Variants in TANC2 observed in about 807,000 individuals in gnomAD.
The protein encoded by TANC2 is protein TANC2.
In TANC2, 26 loss-of-function variants were observed where a neutral mutation model predicts 210.5. The ratio of observed to expected loss-of-function variants is 0.12; its 90% confidence interval spans 0.09 to 0.17. The LOEUF (loss-of-function observed/expected upper bound fraction) is 0.17. Ranked by LOEUF, TANC2 falls within the 10% of genes least tolerant of loss-of-function variation. The pLI is 1.00. For missense variants in TANC2, 2,129 were observed against 2,608.9 expected, an observed-to-expected ratio of 0.82 and a Z score of 4.01; for synonymous variants, 931 against 967.1, an observed-to-expected ratio of 0.96 and a Z score of 0.69.
intron 7 of TANC2, among the ~76,000 whole-genome samples, chr17:63,219,984 A>G (rs1178777596): frequency 1.3e-5 from 2 of 152,154 alleles, no homozygotes; most frequent in Non-Finnish European, 2.9e-5. Flanking sequence ...AAAGGTGGAC[A>G]ATGGAACCAC....
At chr17:63,309,366 T>C (rs1355639041) in intron 9 of TANC2, among the ~76,000 whole-genome samples, 1 of 152,226 alleles carries the variant, frequency 6.6e-6, no homozygotes, top group East Asian at 1.9e-4. Flanking sequence ...TGGTTTTGAA[T>C]ATGATTACAT....
At chr17:63,146,177 G>A (rs1384528229) in intron 4 of TANC2, among the ~76,000 whole-genome samples, 1 of 151,836 alleles carries the variant, frequency 6.6e-6, no homozygotes, top group African/African-American at 2.4e-5. Context: ...ATTTTAAATT[G>A]AACTGTCTCC....
intron 9 of TANC2, among the ~76,000 whole-genome samples, chr17:63,296,921 C>G (rs1334507308): frequency 2.0e-5 from 3 of 152,044 alleles, no homozygotes; most frequent in Non-Finnish European, 4.4e-5. Context: ...CCTACAAGAT[C>G]TGTGGAACAT....
intron 4 of TANC2, among the ~76,000 whole-genome samples, chr17:63,133,395 G>A (rs574204963): frequency 3.3e-5 from 5 of 151,706 alleles, no homozygotes; most frequent in Non-Finnish European, 5.9e-5. Context: ...GTGAGCCACC[G>A]CGCCTGGCCA....
At chr17:63,425,340 A>G (rs1218976272) in exon 28 of TANC2, 1 of 152,200 alleles carries the variant, frequency 6.6e-6, no homozygotes, top group Non-Finnish European at 1.5e-5. Context: ...CTTTTCCTAA[A>G]TTATTGTAAA....
At chr17:63,368,127 A>G (rs1159047624) in intron 14 of TANC2, among the ~76,000 whole-genome samples, 1 of 152,184 alleles carries the variant, frequency 6.6e-6, no homozygotes. Flanking sequence ...GTCTTTTTTT[A>G]TATGGTATGT....
intron 4 of TANC2, among the ~76,000 whole-genome samples, chr17:63,123,742 A>G (rs1340949434): frequency 8.0e-6 from 1 of 125,436 alleles, no homozygotes; most frequent in African/African-American, 3.2e-5. Context: ...GCTAGAGTCC[A>G]GTGACACTAT....
At chr17:63,375,232 A>G (rs1240822823) in intron 14 of TANC2, among the ~76,000 whole-genome samples, 2 of 152,240 alleles carry the variant, frequency 1.3e-5, no homozygotes, top group Non-Finnish European at 2.9e-5. Context: ...CCATCCTTTT[A>G]GTAATAATGT....
At chr17:63,208,305 A>G (rs1377676617) in intron 7 of TANC2, among the ~76,000 whole-genome samples, 1 of 152,218 alleles carries the variant, frequency 6.6e-6, no homozygotes, top group Non-Finnish European at 1.5e-5. Context: ...TGCTGCCAAA[A>G]GCATAAATGT....
intron 2 of TANC2, among the ~76,000 whole-genome samples, chr17:63,013,391 C>T (rs2533009): frequency 0.6 from 90,915 of 152,032 alleles, 29,788 homozygotes; most frequent in African/African-American, 0.87. Flanking sequence ...CAACCTGCCA[C>T]TTTTCTCTTT....
At chr17:63,147,719 T>C (rs2039510998) in intron 4 of TANC2, among the ~76,000 whole-genome samples, 1 of 152,216 alleles carries the variant, frequency 6.6e-6, no homozygotes, top group African/African-American at 2.4e-5. Flanking sequence ...TTAACTTCCA[T>C]TCTGTACCAC....
intron 1 of TANC2, among the ~76,000 whole-genome samples, chr17:62,998,811 C>A (rs147491646): frequency 6.2e-4 from 95 of 152,288 alleles, no homozygotes; most frequent in African/African-American, 1.9e-3. Context: ...CACTTAAGTA[C>A]ATAGACAGTT....
In TANC2 at chr17:63,421,199, C is replaced by T. The variant is rs77003065; in HGVS notation, c.5469C>T (p.Ser1823=). 26,855 of 1,613,964 alleles carry T rather than the reference C, an allele frequency of 0.017. 301 individuals are homozygous for T. The highest frequency in any genetic ancestry group is 0.017 in the Non-Finnish European group (20,187 of 1,179,886). The change falls in exon 28 of 28, where the codon TCC becomes TCT. Residue 1823 remains serine, a synonymous_variant. Transcript: ENST00000689528. The surrounding 1 kb of genome is among the most constrained non-coding windows in gnomAD (Gnocchi z 6.9). ...CAAAACTAGATCTGGAGCGCTCCTC[C>T]AGCCAACTAGGTTCCCCTGATGTGT...
intron 9 of TANC2, among the ~76,000 whole-genome samples, chr17:63,308,092 C>T (rs2044986014): frequency 1.3e-5 from 2 of 152,044 alleles, no homozygotes; most frequent in Non-Finnish European, 2.9e-5. Flanking sequence ...TCCTTTCCTC[C>T]CAGATGTTGA....
At chr17:63,066,324 T>C (rs188242775) in intron 2 of TANC2, among the ~76,000 whole-genome samples, 447 of 151,988 alleles carry the variant, frequency 2.9e-3, no homozygotes, top group Non-Finnish European at 4.9e-3. Flanking sequence ...GTGAGATAGG[T>C]CTGGAGCCCT....
At chr17:63,291,900 A>G (rs1181125229) in intron 9 of TANC2, among the ~76,000 whole-genome samples, 1 of 152,228 alleles carries the variant, frequency 6.6e-6, no homozygotes, top group African/African-American at 2.4e-5. Context: ...AGAATAATTG[A>G]TAAGACCTGT....
chr17:63,098,543 TTATATA>T (rs1202046273), intron 3 of TANC2, among the ~76,000 whole-genome samples: 1 of 115,726 alleles, frequency 8.6e-6, no homozygotes, highest in East Asian at 2.2e-4. Context: ...ATGTAAAAAT[TTATATA>T]TATATAATTT....
chr17:63,209,457 G>A (rs2041820828), intron 7 of TANC2, among the ~76,000 whole-genome samples: 4 of 151,510 alleles, frequency 2.6e-5, no homozygotes, highest in African/African-American at 9.7e-5. Flanking sequence ...GTTTTGAGAT[G>A]GAGTCTCACA....
intron 12 of TANC2, among the ~76,000 whole-genome samples, chr17:63,347,705 G>C (rs572181439): frequency 6.6e-6 from 1 of 152,218 alleles, no homozygotes; most frequent in South Asian, 2.1e-4. Flanking sequence ...AAATGAAAAA[G>C]TTTTGAAGTT....
Sources: gnomAD v4.1 joint callset for allele counts (sites outside exome capture counted in the v4.1 genomes callset) on GRCh38, gnomAD v4.1.1 for gene constraint, Gnocchi (gnomAD v3.1) non-coding constraint, MANE v1.5 for transcripts, NCBI Gene and HGNC (gene_info 2026-07-23, HGNC 2026-07-21) for gene names.